The following MRPL21 variants were observed in gnomAD, a reference collection of about 807,000 sequenced individuals.
The protein encoded by MRPL21 is mitochondrial ribosomal protein L21.
Under a neutral mutation model 27.3 loss-of-function variants are expected in MRPL21, and 20 were observed. The ratio of observed to expected loss-of-function variants is 0.73; its 90% confidence interval spans 0.52 to 1.06. The LOEUF is 1.06. Ranked by LOEUF, MRPL21 falls within the 50% of genes least tolerant of loss-of-function variation. The pLI is 0.00. For synonymous variants in MRPL21, 98 were observed against 101.5 expected (o/e 0.97, Z 0.21); for missense variants, 249 against 251.4 (o/e 0.99, Z 0.06).
chr11:68,894,812 G>C (rs1857746357), intron 4 of MRPL21, among the ~76,000 whole-genome samples: 1 of 152,160 alleles, frequency 6.6e-6, no homozygotes, highest in African/African-American at 2.4e-5. Flanking sequence ...GCTTAGGAGG[G>C]GCTTTCTAGA....
intron 6 of MRPL21, 61 bp from the exon 7 acceptor site, chr11:68,891,456 A>G (rs1857645076): frequency 6.4e-7 from 1 of 1,560,368 alleles, no homozygotes; most frequent in South Asian, 1.1e-5. Context: ...CAGTTACAGC[A>G]GGGGCTCTGC....
Position 68,897,954 on chromosome 11 carries a change from G to C in MRPL21, c.205C>G (p.Pro69Ala), listed in dbSNP as rs746668276. 15 of 1,613,984 alleles carry C rather than the reference G, an allele frequency of 9.3e-6. No individual in the cohort carries two copies. In the African/African-American group the frequency reaches 2.0e-4, roughly 22 times the overall value. ...GCATGGTGTCTGGTCTCCTCAACTGGGTCTGGCAGAACAACTTCTGGCCAA... is the reference window on the plus strand; with the variant it reads ...GCATGGTGTCTGGTCTCCTCAACTGCGTCTGGCAGAACAACTTCTGGCCAA... ...PPWPEVVLPD[P>A]VEETRHHAEV... The change falls in exon 3 of 7, where the codon CCA (proline) becomes GCA (alanine). Residue 69 changes from proline (P) to alanine (A), a missense_variant. Physicochemically the swap from Pro to Ala is conservative, Grantham distance 27. Coordinates refer to ENST00000362034, the MANE Select transcript of MRPL21 (RefSeq NM_181514.2).
chr11:68,892,059 G>A, intron 6 of MRPL21: 1 of 1,288,182 alleles, frequency 7.8e-7, no homozygotes, highest in South Asian at 2.0e-5. Flanking sequence ...CGTGGAGGGT[G>A]GAGGAGAAGG....
intron 6 of MRPL21, 50 bp downstream of exon 6, chr11:68,892,840 G>A: frequency 6.3e-7 from 1 of 1,589,786 alleles, no homozygotes; most frequent in Non-Finnish European, 8.6e-7. Context: ...GCATGCGCCT[G>A]GGCAACCAGC....
chr11:68,903,746 A>G lies in MRPL21; in HGVS notation c.65T>C (p.Leu22Pro), dbSNP rs1168518857. The G allele has an allele frequency of 6.2e-7, 1 of 1,613,298 alleles. No individual in the cohort carries two copies. Among genetic ancestry groups the G allele is most frequent in the Non-Finnish European group, 8.5e-7 (1 of 1,180,022 alleles). The part of the protein sequence containing the change: ...RLASACSHSI[L>P]RPSGPGAASL... ...ACCTGCTCCGGGCCCCGAAGGTCTC[A>G]GGATGCTGTGGCTGCACGCGGACGC... The change falls in exon 1 of 7, where the codon CTG becomes CCG. Residue 22 changes from leucine (L) to proline (P), a missense_variant. Physicochemically the swap from Leu to Pro is moderately conservative, Grantham distance 98 (BLOSUM62 -3). Coordinates refer to ENST00000362034, the MANE Select transcript of MRPL21 (RefSeq NM_181514.2).
Position 68,893,398 on chromosome 11 carries a change from A to G in MRPL21, c.449+5T>C. ...AGACAAAGCCCAGCACTTCACAGCC[A>G]TTACCCGAGGAGTGGCTTGCCAAGC... On this transcript the variant is annotated splice_donor_5th_base_variant and intron_variant, in intron 5 of 6. Coordinates refer to ENST00000362034, the MANE Select transcript of MRPL21 (RefSeq NM_181514.2). The G allele has an allele frequency of 6.2e-7, 1 of 1,614,208 alleles. No homozygotes were observed. The highest frequency in any genetic ancestry group is 8.5e-7 in the Non-Finnish European group (1 of 1,180,038).
chr11:68,899,859 G>C (rs1857890834), intron 2 of MRPL21, among the ~76,000 whole-genome samples: 1 of 152,208 alleles, frequency 6.6e-6, no homozygotes, highest in South Asian at 2.1e-4. Flanking sequence ...GCCAGGCACT[G>C]TTCTAAGAGC....
intron 2 of MRPL21, among the ~76,000 whole-genome samples, chr11:68,900,047 G>C (rs1246333978): frequency 2.6e-5 from 4 of 152,226 alleles, no homozygotes; most frequent in African/African-American, 9.7e-5. Flanking sequence ...CCACCAGTGA[G>C]TGGAACTTTG....
intron 1 of MRPL21, among the ~76,000 whole-genome samples, chr11:68,902,027 C>G (rs1003055970): frequency 1.3e-5 from 2 of 152,206 alleles, no homozygotes; most frequent in Non-Finnish European, 2.9e-5. Flanking sequence ...TAATTTGCTT[C>G]TAGCTTTGTT....
At chr11:68,897,802 G>A (rs189787713) in intron 3 of MRPL21, 125 bp downstream of exon 3, 38 of 700,728 alleles carry the variant, frequency 5.4e-5, no homozygotes, top group African/African-American at 5.2e-4. Flanking sequence ...TGCTGGCACT[G>A]TGCTGTGTCT....
At chr11:68,896,362 G>T in intron 4 of MRPL21, 153 bp downstream of exon 4, 1 of 973,830 alleles carries the variant, frequency 1.0e-6, no homozygotes, top group Non-Finnish European at 1.5e-6. Flanking sequence ...CCCCGCCGTG[G>T]GCGCCCCCCA....
intron 3 of MRPL21, chr11:68,897,588 G>A (rs561065067): frequency 8.2e-5 from 26 of 318,242 alleles, no homozygotes; most frequent in Admixed American, 8.0e-4. Context: ...CCAACAGCCC[G>A]GGTGGCACCG....
chr11:68,900,595 C>A lies in MRPL21; in HGVS notation c.99G>T (p.Trp33Cys). ...GTGAATTGAACCTTCGAGAAGCAGACCAAAGGGAGGCTGAGGGAAGAAGAG... is the reference window on the plus strand; with the variant it reads ...GTGAATTGAACCTTCGAGAAGCAGAACAAAGGGAGGCTGAGGGAAGAAGAG... ...RPSGPGAASLWSASRRFNSQS... is the reference protein window; with the variant it reads ...RPSGPGAASLCSASRRFNSQS... Residue 33 changes from tryptophan (W) to cysteine (C), a missense_variant, in exon 2 of 7, where the codon TGG becomes TGT. By Grantham distance (215) the Trp-to-Cys change is radical. Transcript: ENST00000362034. The A allele has an allele frequency of 6.2e-7, 1 of 1,613,512 alleles. No individual in the cohort carries two copies. Among genetic ancestry groups the A allele is most frequent in the Non-Finnish European group, 8.5e-7 (1 of 1,179,524 alleles).
intron 1 of MRPL21, among the ~76,000 whole-genome samples, chr11:68,901,395 A>G (rs1857930991): frequency 6.6e-6 from 1 of 152,108 alleles, no homozygotes; most frequent in Non-Finnish European, 1.5e-5. Context: ...GATAACGCAT[A>G]CACCAGGAAT....
At chr11:68,892,800 C>T (rs775758371) in intron 6 of MRPL21, 90 bp downstream of exon 6, 32 of 1,556,272 alleles carry the variant, frequency 2.1e-5, no homozygotes, top group South Asian at 8.2e-5. Context: ...CTTCCTGTCC[C>T]GAGACCCACG....
At chr11:68,903,343 T>A (rs1858018559) in intron 1 of MRPL21, among the ~76,000 whole-genome samples, 1 of 152,178 alleles carries the variant, frequency 6.6e-6, no homozygotes, top group African/African-American at 2.4e-5. Context: ...CCATCACCAT[T>A]TTTCAGACCA....
chr11:68,893,109 C>T (rs1857694477), intron 5 of MRPL21, 116 bp from the exon 6 acceptor site: 9 of 1,350,442 alleles, frequency 6.7e-6, no homozygotes, highest in Middle Eastern at 2.7e-4. Context: ...AAAAGTAATA[C>T]GCCCTCAATG....
Position 68,896,540 on chromosome 11 carries a change from C to A in MRPL21, c.371G>T (p.Cys124Phe). ...CTTCTCCAGTCGAATTCTCTCTCCA[C>A]ACGCAAGGTCTAGTTCATTTCCAAT... ...ILIGNELDLA[C>F]GERIRLEKVL... The change falls in exon 4 of 7, where the codon TGT (cysteine) becomes TTT (phenylalanine). Residue 124 changes from cysteine to phenylalanine, a missense_variant. Physicochemically the swap from Cys to Phe is radical, Grantham distance 205. Coordinates refer to ENST00000362034, the MANE Select transcript of MRPL21 (RefSeq NM_181514.2). 1 of 1,614,270 alleles carries A rather than the reference C, an allele frequency of 6.2e-7. No individual in the cohort carries two copies.
In MRPL21 at chr11:68,892,643, C is replaced by G. The variant is rs141662106; in HGVS notation, c.553+247G>C. The G allele has an allele frequency of 2.8e-6, 4 of 1,426,792 alleles. No individual in the cohort carries two copies. In the African/African-American group the frequency reaches 4.6e-5, roughly 17 times the overall value. 88.4% of individuals were successfully genotyped at this position (1,426,792 alleles called of 1,614,324 possible). Reference sequence around the variant, plus strand: ...GGAGAAGGGGAGCGAGGTGGGGTCACGTGCGGAGCGTGGAGGAGAAGGGGA... The same window carrying G: ...GGAGAAGGGGAGCGAGGTGGGGTCAGGTGCGGAGCGTGGAGGAGAAGGGGA... On this transcript the variant is annotated intron_variant, in intron 6 of 6. Transcript: ENST00000362034.
Sources: allele counts gnomAD v4.1 joint callset (sites outside exome capture counted in the v4.1 genomes callset), GRCh38; gene constraint gnomAD v4.1.1; transcripts MANE v1.5; gene names NCBI Gene and HGNC (gene_info 2026-07-23, HGNC 2026-07-21).